PARD3: variants seen among roughly 807,000 people sequenced by gnomAD.
PARD3 encodes partitioning defective 3 homolog.
A neutral mutation model predicts 155.4 loss-of-function variants in PARD3; 75 were observed. The observed-to-expected ratio is 0.48, with a 90% CI of 0.40 to 0.58. The LOEUF (loss-of-function observed/expected upper bound fraction) is 0.58, where lower values mean the gene tolerates loss of function less well. PARD3 is among the 20% of genes least tolerant of loss of function. The pLI is 0.00. For synonymous variants in PARD3, 576 were observed against 610.5 expected, an observed-to-expected ratio of 0.94 and a Z score of 0.83; for missense variants, 1,642 against 1,721.7, an observed-to-expected ratio of 0.95 and a Z score of 0.82.
chr10:34,226,764 A>G (rs1478597094), intron 22 of PARD3, among the ~76,000 whole-genome samples: 1 of 152,246 alleles, frequency 6.6e-6, no homozygotes, highest in South Asian at 2.1e-4. Context: ...GCACAAGTTC[A>G]TAACAGCATG....
chr10:34,541,277 A>G lies in PARD3; in HGVS notation c.223-24118T>C, dbSNP rs562945434. Among the ~76,000 whole-genome samples, 10 of 152,356 alleles carry G rather than the reference A, an allele frequency of 6.6e-5. No homozygotes were observed. The East Asian group carries it at 1.7e-3, about 26-fold the overall frequency. On this transcript the variant is annotated intron_variant, in intron 2 of 24. Transcript: ENST00000374788. ...TTGTATAAGAAACACAAATGCAAAG[A>G]GAAGGGAAGAACTTCCAGTGTGCTT...
chr10:34,276,499 CAA>C (rs1428603943), intron 21 of PARD3, among the ~76,000 whole-genome samples: 1 of 152,140 alleles, frequency 6.6e-6, no homozygotes, highest in Non-Finnish European at 1.5e-5. Context: ...ATAAAACACA[CAA>C]GACTTCTGTT....
chr10:34,634,894 G>A (rs2092411383), intron 2 of PARD3, among the ~76,000 whole-genome samples: 1 of 152,192 alleles, frequency 6.6e-6, no homozygotes, highest in South Asian at 2.1e-4. Context: ...GAACATGAAT[G>A]AGGTGAGGGG....
At chr10:34,804,583 T>A (rs1843144669) in intron 1 of PARD3, among the ~76,000 whole-genome samples, 1 of 152,268 alleles carries the variant, frequency 6.6e-6, no homozygotes. Flanking sequence ...ATTATTCACA[T>A]ATGGTTTTGC....
intron 21 of PARD3, 44 bp from the exon 22 acceptor site, chr10:34,269,943 T>C (rs780745059): frequency 6.3e-7 from 1 of 1,576,874 alleles, no homozygotes; most frequent in Non-Finnish European, 8.7e-7. Flanking sequence ...ACCTTTCCTT[T>C]TTTAGGAACT....
intron 22 of PARD3, among the ~76,000 whole-genome samples, chr10:34,217,201 C>T (rs1265375140): frequency 1.3e-5 from 2 of 151,914 alleles, no homozygotes; most frequent in African/African-American, 2.4e-5. Flanking sequence ...CACTGCTTCC[C>T]TGTCCCTGGG....
intron 1 of PARD3, among the ~76,000 whole-genome samples, chr10:34,699,990 T>TA (rs1339302157): frequency 1.3e-5 from 2 of 152,110 alleles, no homozygotes; most frequent in Non-Finnish European, 2.9e-5. Flanking sequence ...AACATTCAAC[T>TA]AAAAAAGAAG....
intron 2 of PARD3, among the ~76,000 whole-genome samples, chr10:34,657,197 T>G (rs779973925): frequency 4.6e-5 from 7 of 151,400 alleles, no homozygotes; most frequent in Non-Finnish European, 8.8e-5. Context: ...AAGTTTGAGA[T>G]CAGCCTGGGC....
chr10:34,477,398 C>T (rs550316741), intron 3 of PARD3, among the ~76,000 whole-genome samples: 13 of 152,142 alleles, frequency 8.5e-5, no homozygotes, highest in African/African-American at 1.4e-4. Flanking sequence ...GCGACTGGTG[C>T]GATGTCACTG....
intron 1 of PARD3, among the ~76,000 whole-genome samples, chr10:34,699,749 C>A (rs1196459175): frequency 6.6e-6 from 1 of 152,108 alleles, no homozygotes; most frequent in Non-Finnish European, 1.5e-5. Flanking sequence ...GTGACCCACA[C>A]CTGCAGTCCC....
At chr10:34,177,029 C>T (rs932906330) in intron 22 of PARD3, among the ~76,000 whole-genome samples, 9 of 148,760 alleles carry the variant, frequency 6.1e-5, no homozygotes, top group African/African-American at 2.3e-4. Context: ...GTTTGTGTGT[C>T]GGTGTGGGGT....
chr10:34,157,562 A>G lies in PARD3; in HGVS notation c.3420-25979T>C, dbSNP rs150894877. 3.3e-5 allele frequency among the ~76,000 whole-genome samples: 5 copies of G among 152,326 alleles called. No individual in the cohort carries two copies. The East Asian group carries it at 9.7e-4, about 29-fold the overall frequency. ...TCCTAACACAGATTATCATGAGTCC[A>G]TGTACAATAATTTTCCCCATAAAAC... is the stretch of plus-strand genomic sequence containing the variant. On this transcript the variant is annotated intron_variant, in intron 22 of 24. Transcript: ENST00000374788.
intron 22 of PARD3, among the ~76,000 whole-genome samples, chr10:34,256,326 TGA>T (rs927587188): frequency 5.9e-5 from 9 of 152,240 alleles, no homozygotes; most frequent in African/African-American, 2.2e-4. Flanking sequence ...GGTCATGAGC[TGA>T]GCTCCATGGG....
At chr10:34,691,565 T>C (rs1468712717) in intron 2 of PARD3, among the ~76,000 whole-genome samples, 1 of 152,092 alleles carries the variant, frequency 6.6e-6, no homozygotes, top group African/African-American at 2.4e-5. Flanking sequence ...ACTATACCAA[T>C]GACAATCTTC....
chr10:34,178,693 G>A (rs985376055), intron 22 of PARD3, among the ~76,000 whole-genome samples: 2 of 152,180 alleles, frequency 1.3e-5, no homozygotes, highest in East Asian at 3.8e-4. Context: ...CTACAAAGGA[G>A]TAGACATTTG....
chr10:34,219,287 G>A (rs554747382), intron 22 of PARD3, among the ~76,000 whole-genome samples: 1 of 152,188 alleles, frequency 6.6e-6, no homozygotes, highest in East Asian at 1.9e-4. Flanking sequence ...TGCAGAGAAT[G>A]CCTGAAACAC....
rs577965359 is a variant in PARD3 at position 34,409,981 on chromosome 10, A to G, written c.715-8064T>C. Among the ~76,000 whole-genome samples, 7 of 152,292 alleles carry G rather than the reference A, an allele frequency of 4.6e-5. No homozygotes were observed. The South Asian group carries it at 6.2e-4, about 14-fold the overall frequency. On this transcript the variant is annotated intron_variant, in intron 5 of 24. Transcript: ENST00000374788. ...ACTTAACTTCTCTGTGCCTCAGTTT[A>G]CTCATTTATAAACTGTGGGAAATAA...
At chr10:34,212,322 C>T (rs1951792930) in intron 22 of PARD3, among the ~76,000 whole-genome samples, 1 of 152,158 alleles carries the variant, frequency 6.6e-6, no homozygotes, top group East Asian at 1.9e-4. Flanking sequence ...CTAGGTCATT[C>T]TTCTGGATCT....
intron 1 of PARD3, among the ~76,000 whole-genome samples, chr10:34,762,825 A>G (rs1202337098): frequency 6.6e-6 from 1 of 152,210 alleles, no homozygotes; most frequent in East Asian, 1.9e-4. Context: ...TCCCACATTC[A>G]GCTACCAGCA....
Sources: allele counts gnomAD v4.1 joint callset (sites outside exome capture counted in the v4.1 genomes callset), GRCh38; gene constraint gnomAD v4.1.1; transcripts MANE v1.5; gene names NCBI Gene and HGNC (gene_info 2026-07-23, HGNC 2026-07-21).